The following FAM227A variants were observed in gnomAD, a reference collection of about 807,000 sequenced individuals.
FAM227A encodes the protein protein FAM227A.
A neutral mutation model predicts 74.7 loss-of-function variants in FAM227A; 80 were observed. The ratio of observed to expected loss-of-function variants is 1.07; its 90% confidence interval spans 0.89 to 1.29. FAM227A has a LOEUF of 1.29. Among genes scored for constraint, FAM227A ranks in the 50% most tolerant of loss-of-function variants. FAM227A has a pLI of 0.00. For missense variants in FAM227A, 654 were observed against 683.4 expected, an observed-to-expected ratio of 0.96 and a Z score of 0.48; for synonymous variants, 237 against 241.8, an observed-to-expected ratio of 0.98 and a Z score of 0.19.
intron 1 of FAM227A, among the ~76,000 whole-genome samples, chr22:38,654,822 C>A (rs529552656): frequency 1.3e-5 from 2 of 151,124 alleles, no homozygotes; most frequent in South Asian, 2.1e-4. Flanking sequence ...GTGGCGGGCG[C>A]CTGTAATCCC....
At chr22:38,652,811 G>A in intron 1 of FAM227A, among the ~76,000 whole-genome samples, 3 of 140,464 alleles carry the variant, frequency 2.1e-5, no homozygotes, top group Non-Finnish European at 3.1e-5. Context: ...TGGGAGGCGG[G>A]GCTTGCAGTG....
rs764118371 is a variant in FAM227A at position 38,650,089 on chromosome 22, G to A, written c.80C>T (p.Ser27Leu). 41 of 1,551,938 alleles carry A rather than the reference G, an allele frequency of 2.6e-5. No homozygotes were observed. Among genetic ancestry groups the A allele is most frequent in the Non-Finnish European group, 3.4e-5 (39 of 1,147,064 alleles). Residue 27 changes from serine to leucine, a missense_variant, in exon 2 of 17, where the codon TCG becomes TTG. Coordinates refer to ENST00000535113, the MANE Select transcript of FAM227A (RefSeq NM_001013647.2). The stretch of plus-strand genomic sequence containing the variant: ...CACCATTGTATTCCGTGCGACAAGC[G>A]AGACAGCCAGGTGCTCATCCACTGG... ...MIPVDEHLAVSLVARNTMVKT... is the reference protein window; with the variant it reads ...MIPVDEHLAVLLVARNTMVKT...
At chr22:38,621,624 T>C (rs1290927835) in intron 10 of FAM227A, among the ~76,000 whole-genome samples, 1 of 152,142 alleles carries the variant, frequency 6.6e-6, no homozygotes, top group Non-Finnish European at 1.5e-5. Flanking sequence ...TGTCTGGCCC[T>C]GAATAAGTGC....
At chr22:38,611,534 C>T (rs1000656915) in intron 11 of FAM227A, among the ~76,000 whole-genome samples, 6 of 152,150 alleles carry the variant, frequency 3.9e-5, no homozygotes, top group African/African-American at 1.2e-4. Flanking sequence ...TGGGACATCA[C>T]CTACCCCTAG....
At chr22:38,638,226 G>A (rs2092044613) in intron 5 of FAM227A, among the ~76,000 whole-genome samples, 1 of 152,166 alleles carries the variant, frequency 6.6e-6, no homozygotes, top group Admixed American at 6.5e-5. Flanking sequence ...GCTGTGCGGT[G>A]GGGCCAGATT....
At chr22:38,637,556 A>G (rs1603040816) in intron 5 of FAM227A, among the ~76,000 whole-genome samples, 1 of 152,268 alleles carries the variant, frequency 6.6e-6, no homozygotes, top group African/African-American at 2.4e-5. Flanking sequence ...TGGATGGCCC[A>G]GCTGACTTCC....
intron 16 of FAM227A, among the ~76,000 whole-genome samples, chr22:38,588,169 G>A (rs2090848377): frequency 6.6e-6 from 1 of 152,150 alleles, no homozygotes; most frequent in Non-Finnish European, 1.5e-5. Flanking sequence ...CTCCTTTCAT[G>A]GCTGGTATTC....
At chr22:38,629,272 T>C (rs9610986) in intron 6 of FAM227A, among the ~76,000 whole-genome samples, 44,869 of 152,066 alleles carry the variant, frequency 0.3, 6,709 homozygotes, top group East Asian at 0.36. Flanking sequence ...ACGCAGTTAA[T>C]GGGCAAACAT....
rs1222058618 is a variant in FAM227A at position 38,586,076 on chromosome 22, A to G, written c.*49T>C. On this transcript the variant is annotated 3_prime_UTR_variant, in exon 17 of 17. Coordinates refer to ENST00000535113, the MANE Select transcript of FAM227A (RefSeq NM_001013647.2). Reference sequence around the variant, plus strand: ...TTGTTCCACTCCACCTCGTAGCAGAAATATCACGGATTCTGTAGGCGCTTC... The same window carrying G: ...TTGTTCCACTCCACCTCGTAGCAGAGATATCACGGATTCTGTAGGCGCTTC... The G allele has an allele frequency of 2.6e-6, 4 of 1,551,944 alleles. No individual in the cohort carries two copies. The Admixed American group carries it at 7.9e-5, about 30-fold the overall frequency.
intron 3 of FAM227A, among the ~76,000 whole-genome samples, chr22:38,645,272 T>TC (rs941188162): frequency 1.3e-5 from 2 of 151,842 alleles, no homozygotes; most frequent in African/African-American, 2.4e-5. Flanking sequence ...GCACCTGTAG[T>TC]CCCAGCTGCT....
Position 38,641,968 on chromosome 22 carries a change from TGTGTGTGCGCAC to T in FAM227A, c.226-2256_226-2245del, listed in dbSNP as rs1373401993. Among the ~76,000 whole-genome samples, 499 of 146,304 alleles carry T rather than the reference TGTGTGTGCGCAC, an allele frequency of 3.4e-3. 3 individuals carry two copies. The highest frequency in any genetic ancestry group is 5.5e-3 in the Non-Finnish European group (363 of 66,310). On this transcript the variant is annotated intron_variant, in intron 3 of 16. Coordinates refer to ENST00000535113, the MANE Select transcript of FAM227A (RefSeq NM_001013647.2). ...GAAAAGGTGTGTGTGTGTGTGTGTGTGTGTGTGCGCACGTGTGTGTGCGCGTGTGTTTGAGAA... is the reference window on the plus strand; with the variant it reads ...GAAAAGGTGTGTGTGTGTGTGTGTGTGTGTGTGTGCGCGTGTGTTTGAGAA...
intron 15 of FAM227A, among the ~76,000 whole-genome samples, chr22:38,593,853 A>ACTTG (rs2090990381): frequency 6.6e-6 from 1 of 151,692 alleles, no homozygotes; most frequent in Non-Finnish European, 1.5e-5. Context: ...ACTACCACCC[A>ACTTG]GCTATTTTTT....
chr22:38,652,415 G>A (rs1181507228), intron 1 of FAM227A, among the ~76,000 whole-genome samples: 4 of 150,030 alleles, frequency 2.7e-5, no homozygotes, highest in African/African-American at 4.9e-5. Context: ...GTGAAACCCC[G>A]TTTCTACTAA....
chr22:38,602,500 G>A (rs2091197941), intron 13 of FAM227A, among the ~76,000 whole-genome samples: 1 of 152,054 alleles, frequency 6.6e-6, no homozygotes, highest in African/African-American at 2.4e-5. Context: ...AGGCCATGCT[G>A]TGTCCAGTGG....
intron 13 of FAM227A, among the ~76,000 whole-genome samples, chr22:38,602,707 GA>G (rs1555955019): frequency 6.6e-6 from 1 of 152,018 alleles, no homozygotes; most frequent in Non-Finnish European, 1.5e-5. Context: ...CAAAGCCTAC[GA>G]AAGTCCAGCA....
At chr22:38,648,555 C>T (rs7291396) in intron 2 of FAM227A, among the ~76,000 whole-genome samples, 45,373 of 150,712 alleles carry the variant, frequency 0.3, 7,460 homozygotes, top group East Asian at 0.36. Flanking sequence ...TGCAGTGAGC[C>T]GAGATCATGC....
chr22:38,607,571 G>T, intron 11 of FAM227A, 95 bp from the exon 12 acceptor site: 1 of 844,838 alleles, frequency 1.2e-6, no homozygotes, highest in Non-Finnish European at 1.9e-6. Context: ...AGTAATACAT[G>T]CAATTTCTTT....
Position 38,597,302 on chromosome 22 carries a change from C to T in FAM227A, c.1434G>A (p.Lys478=). 6.4e-7 allele frequency: 1 copy of T among 1,552,036 alleles called. No individual in the cohort carries two copies. The highest frequency in any genetic ancestry group is 8.7e-7 in the Non-Finnish European group (1 of 1,147,056). ...ACTGATTGAGGTTGTCTTTCCGCTT[C>T]TTCATGCTGCACAGGGTCTCGCTGA... ...DVISETLCSM[K]KRKDNLNQLY... Residue 478 remains lysine (K), a synonymous_variant, in exon 15 of 17, where the codon AAG becomes AAA. Transcript: ENST00000535113.
At chr22:38,650,813 C>A (rs982429009) in intron 1 of FAM227A, among the ~76,000 whole-genome samples, 4 of 152,160 alleles carry the variant, frequency 2.6e-5, no homozygotes, top group Admixed American at 2.0e-4. Flanking sequence ...GGTCTAACAG[C>A]TCTCCTGGGT....
Sources: allele counts gnomAD v4.1 joint callset (sites outside exome capture counted in the v4.1 genomes callset), GRCh38; gene constraint gnomAD v4.1.1; transcripts MANE v1.5; gene names NCBI Gene and HGNC (gene_info 2026-07-23, HGNC 2026-07-21).